ATL2: variants seen among roughly 807,000 people sequenced by gnomAD.
ATL2 encodes atlastin-2.
In ATL2, 31 loss-of-function variants were observed where a neutral mutation model predicts 73.9. The ratio of observed to expected loss-of-function variants is 0.42; its 90% CI spans 0.32 to 0.57. ATL2 has a LOEUF of 0.57. ATL2 is among the 20% of genes least tolerant of loss of function. ATL2 has a pLI of 0.14. For missense variants in ATL2, 738 were observed against 702.6 expected, an observed-to-expected ratio of 1.05 and a Z score of -0.57; for synonymous variants, 291 against 237.5, an observed-to-expected ratio of 1.23 and a Z score of -2.07.
At chr2:38,374,213 T>C (rs1671841500) in intron 1 of ATL2, among the ~76,000 whole-genome samples, 1 of 152,146 alleles carries the variant, frequency 6.6e-6, no homozygotes, top group South Asian at 2.1e-4. Flanking sequence ...TTTAAAGCCA[T>C]AGAGAAAGCC....
intron 12 of ATL2, among the ~76,000 whole-genome samples, chr2:38,296,859 C>T (rs1158736348): frequency 6.6e-6 from 1 of 152,144 alleles, no homozygotes; most frequent in Non-Finnish European, 1.5e-5. Flanking sequence ...ATGGTACCTC[C>T]AAAATCCTAG....
At chr2:38,349,558 G>A (rs1275844510) in intron 1 of ATL2, among the ~76,000 whole-genome samples, 1 of 150,254 alleles carries the variant, frequency 6.7e-6, no homozygotes, top group East Asian at 2.0e-4. Context: ...AGCATTAGGA[G>A]TATACCTAAT....
At position 38,367,617 on chromosome 2, in the gene ATL2, CCG is replaced by C. The variant is rs1671414629; in HGVS notation, c.118+9524_118+9525del. Among the ~76,000 whole-genome samples, 4 of 30,504 alleles carry C rather than the reference CCG, an allele frequency of 1.3e-4. No individual in the cohort carries two copies. In the East Asian group the frequency reaches 2.9e-3, roughly 22 times the overall value. 20.0% of individuals were successfully genotyped at this position (30,504 alleles called of 152,430 possible). On this transcript the variant is annotated intron_variant, in intron 1 of 12. Transcript: ENST00000378954. ...CTCAAAAAAAAAAAAAAAAAAAAAA[CCG>C]CCCATTTAAAACAACTTTTTTTTTT...
intron 9 of ATL2, among the ~76,000 whole-genome samples, chr2:38,306,315 T>G (rs958901616): frequency 3.3e-5 from 5 of 152,122 alleles, no homozygotes; most frequent in African/African-American, 4.8e-5. Flanking sequence ...TATCAAACAT[T>G]TAAAGAACTA....
intron 7 of ATL2, among the ~76,000 whole-genome samples, chr2:38,311,147 C>CA (rs1361521166): frequency 6.6e-6 from 1 of 151,314 alleles, no homozygotes; most frequent in East Asian, 1.9e-4. Context: ...AATTTGCCTA[C>CA]AAATAAAAAG....
In ATL2 at chr2:38,294,565, A is replaced by C. The variant is rs1466184770; in HGVS notation, c.*1429T>G. ...TCCGTCTCAAAAAAGAAACAAACAAAACTAGGTACTTTAATCGGTGTTCAC... is the reference window on the plus strand; with the variant it reads ...TCCGTCTCAAAAAAGAAACAAACAACACTAGGTACTTTAATCGGTGTTCAC... On this transcript the variant is annotated 3_prime_UTR_variant, in exon 13 of 13. Transcript: ENST00000378954. Among the ~76,000 whole-genome samples the C allele has an allele frequency of 2.0e-5, 3 of 151,966 alleles. No individual in the cohort carries two copies. Among genetic ancestry groups the C allele is most frequent in the Admixed American group, 6.6e-5 (1 of 15,260 alleles).
At chr2:38,332,860 A>C (rs953349682) in intron 2 of ATL2, among the ~76,000 whole-genome samples, 1 of 152,180 alleles carries the variant, frequency 6.6e-6, no homozygotes, top group Non-Finnish European at 1.5e-5. Flanking sequence ...TCTATACAAA[A>C]TGTATCCTAT....
At chr2:38,305,244 G>C (rs1667386043) in intron 9 of ATL2, among the ~76,000 whole-genome samples, 1 of 152,026 alleles carries the variant, frequency 6.6e-6, no homozygotes, top group African/African-American at 2.4e-5. Flanking sequence ...ACTAAAGAAA[G>C]AGGACCGGGC....
rs1347359864 is a variant in ATL2, at chr2:38,343,477, C to G, written c.154G>C (p.Asp52His). 2 of 1,608,194 alleles carry G rather than the reference C, an allele frequency of 1.2e-6. No individual in the cohort carries two copies. Among genetic ancestry groups the G allele is most frequent in the South Asian group, 2.2e-5 (2 of 90,420 alleles). ...GGACATGGTTTCTTCATAACCTCAT[C>G]AGAATTTACTAGGTCATCATCTTCA... Reference protein sequence around the residue: ...NYEDDDLVNSDEVMKKPCPVQ... With the variant: ...NYEDDDLVNSHEVMKKPCPVQ... Residue 52 changes from aspartate (D) to histidine (H), a missense_variant, in exon 2 of 13, where the codon GAT (aspartate) becomes CAT (histidine). Asp to His is a moderately conservative substitution (Grantham distance 81). Transcript: ENST00000378954.
intron 1 of ATL2, among the ~76,000 whole-genome samples, chr2:38,369,052 A>G (rs1323184743): frequency 6.6e-6 from 1 of 152,232 alleles, no homozygotes; most frequent in East Asian, 1.9e-4. Context: ...TTTATTTTTA[A>G]TTAACACCCA....
intron 1 of ATL2, among the ~76,000 whole-genome samples, chr2:38,372,296 T>A (rs1671736285): frequency 6.6e-6 from 1 of 152,200 alleles, no homozygotes; most frequent in Admixed American, 6.5e-5. Context: ...ACTGCATCTG[T>A]ACTGAACATG....
At chr2:38,332,062 A>C (rs1028759128) in intron 2 of ATL2, among the ~76,000 whole-genome samples, 11 of 152,194 alleles carry the variant, frequency 7.2e-5, no homozygotes, top group Admixed American at 2.6e-4. Flanking sequence ...AGCCAGTCAC[A>C]AAAGACCACA....
chr2:38,371,466 AC>A (rs1378334920), intron 1 of ATL2, among the ~76,000 whole-genome samples: 1 of 152,138 alleles, frequency 6.6e-6, no homozygotes, highest in Non-Finnish European at 1.5e-5. Flanking sequence ...ACGCCACTGC[AC>A]TCCAGCCTTG....
chr2:38,377,363 T>TCTCCGCCTGTATCTCCTCGCC (rs749775299), upstream of ATL2: 197 of 959,234 alleles, frequency 2.1e-4, 2 homozygotes, highest in South Asian at 1.4e-3. Flanking sequence ...CTAGCGCCGC[T>TCTCCGCCTGTATCTCCTCGCC]CTCCGCCTGT....
chr2:38,362,226 T>A (rs534446710), intron 1 of ATL2, among the ~76,000 whole-genome samples: 28 of 152,284 alleles, frequency 1.8e-4, no homozygotes, highest in African/African-American at 6.3e-4. Flanking sequence ...TCCCTAAAGT[T>A]CCAGATTAAA....
intron 2 of ATL2, 59 bp downstream of exon 2, chr2:38,343,209 A>C: frequency 8.5e-7 from 1 of 1,173,708 alleles, no homozygotes; most frequent in Non-Finnish European, 1.2e-6. Context: ...CTATTTTTTT[A>C]ACAGGCATGG....
At chr2:38,369,894 G>A (rs1042092567) in intron 1 of ATL2, among the ~76,000 whole-genome samples, 1 of 151,884 alleles carries the variant, frequency 6.6e-6, no homozygotes, top group Non-Finnish European at 1.5e-5. Context: ...GCTCACGCCA[G>A]TAATCCCAGC....
intron 1 of ATL2, among the ~76,000 whole-genome samples, chr2:38,347,415 G>A (rs970595135): frequency 6.6e-6 from 1 of 152,182 alleles, no homozygotes; most frequent in Non-Finnish European, 1.5e-5. Flanking sequence ...CATGGCTTAT[G>A]TCTCCATCAT....
intron 1 of ATL2, among the ~76,000 whole-genome samples, chr2:38,344,098 A>G (rs911250227): frequency 6.6e-6 from 1 of 152,186 alleles, no homozygotes; most frequent in Non-Finnish European, 1.5e-5. Flanking sequence ...TATGGCCTCT[A>G]TCTCAATGAA....
Sources: gnomAD v4.1 joint callset for allele counts (sites outside exome capture counted in the v4.1 genomes callset) on GRCh38, gnomAD v4.1.1 for gene constraint, MANE v1.5 for transcripts, NCBI Gene and HGNC (gene_info 2026-07-23, HGNC 2026-07-21) for gene names.